Variants in GLIS1 observed in about 807,000 individuals in gnomAD.
The protein encoded by GLIS1 is zinc finger protein GLIS1.
In GLIS1, 24 loss-of-function variants were observed where a neutral mutation model predicts 63.8. That is an observed-to-expected ratio of 0.38 (90% CI 0.27 to 0.53). The LOEUF is 0.53. GLIS1 is among the 20% of genes least tolerant of loss of function. The probability of loss-of-function intolerance (pLI) is 0.85; values close to 1 mark genes in which losing one functional copy is unlikely to be tolerated. For synonymous variants in GLIS1, 450 were observed against 482.5 expected (o/e 0.93, Z 0.88); for missense variants, 1,036 against 1,074.1 (o/e 0.96, Z 0.50).
chr1:53,695,423 A>T (rs1164996571), intron 2 of GLIS1, among the ~76,000 whole-genome samples: 1 of 140,914 alleles, frequency 7.1e-6, no homozygotes, highest in Non-Finnish European at 1.5e-5. Flanking sequence ...CTGAAGACTA[A>T]CCAGAAGAAG....
chr1:53,556,299 ATG>A (rs1297903107), intron 4 of GLIS1, among the ~76,000 whole-genome samples: 2 of 46,738 alleles, frequency 4.3e-5, no homozygotes, highest in Non-Finnish European at 8.3e-5. Context: ...TACTGTAGGT[ATG>A]TGTGTGTGTG....
chr1:53,691,595 C>T (rs896508316), intron 2 of GLIS1, among the ~76,000 whole-genome samples: 1 of 152,142 alleles, frequency 6.6e-6, no homozygotes, highest in African/African-American at 2.4e-5. Context: ...ATTCCCTCTC[C>T]CTCTCCCAAC....
At chr1:53,536,155 C>T (rs1193038432) in intron 4 of GLIS1, among the ~76,000 whole-genome samples, 1 of 151,962 alleles carries the variant, frequency 6.6e-6, no homozygotes, top group Non-Finnish European at 1.5e-5. Context: ...GATACAGGCA[C>T]CTTCTGTCGA....
At chr1:53,617,775 A>C (rs536613281) in intron 2 of GLIS1, among the ~76,000 whole-genome samples, 2 of 152,342 alleles carry the variant, frequency 1.3e-5, no homozygotes, top group East Asian at 1.9e-4. Context: ...CAGGAGAGCA[A>C]AGGAGGCAGT....
At chr1:53,637,763 A>T (rs993216314) in intron 2 of GLIS1, among the ~76,000 whole-genome samples, 2 of 152,112 alleles carry the variant, frequency 1.3e-5, no homozygotes, top group Admixed American at 6.5e-5. Flanking sequence ...ATTGTGGGGA[A>T]ATGTCACCAT....
At chr1:53,691,284 C>A (rs2100460749) in intron 2 of GLIS1, among the ~76,000 whole-genome samples, 1 of 152,326 alleles carries the variant, frequency 6.6e-6, no homozygotes, top group Non-Finnish European at 1.5e-5. Flanking sequence ...CCAGGCCCAG[C>A]CTCTCTCACC....
At chr1:53,629,703 C>A (rs1645631993) in intron 2 of GLIS1, among the ~76,000 whole-genome samples, 1 of 152,210 alleles carries the variant, frequency 6.6e-6, no homozygotes, top group Non-Finnish European at 1.5e-5. Context: ...TGCAAGAGGC[C>A]TGACCTTCCT....
chr1:53,725,570 A>AG (rs1220715472), intron 2 of GLIS1, among the ~76,000 whole-genome samples: 1 of 152,172 alleles, frequency 6.6e-6, no homozygotes, highest in African/African-American at 2.4e-5. Flanking sequence ...GCCAGCCTGA[A>AG]GGGGGAACCT....
chr1:53,532,510 T>C (rs1179999899), intron 4 of GLIS1, among the ~76,000 whole-genome samples: 1 of 152,228 alleles, frequency 6.6e-6, no homozygotes, highest in Non-Finnish European at 1.5e-5. Flanking sequence ...TACTTCCAGA[T>C]GTTGTGCCTT....
chr1:53,659,388 G>A (rs1377162350), intron 2 of GLIS1, among the ~76,000 whole-genome samples: 2 of 152,278 alleles, frequency 1.3e-5, no homozygotes, highest in East Asian at 3.9e-4. Context: ...ATCACTAGTT[G>A]TCCATTCAGC....
At chr1:53,635,047 T>C (rs1645708338) in intron 2 of GLIS1, among the ~76,000 whole-genome samples, 3 of 151,782 alleles carry the variant, frequency 2.0e-5, no homozygotes, top group African/African-American at 4.8e-5. Flanking sequence ...TCAACAGAGG[T>C]TGTCTCTGTT....
At chr1:53,714,601 C>A (rs1646678943) in intron 2 of GLIS1, among the ~76,000 whole-genome samples, 1 of 152,222 alleles carries the variant, frequency 6.6e-6, no homozygotes, top group Non-Finnish European at 1.5e-5. Flanking sequence ...CAGCTGCGGG[C>A]AGCATCAAAA....
At chr1:53,509,741 TTC>T (rs1406869456) in intron 9 of GLIS1, 106 bp downstream of exon 9, 1 of 668,508 alleles carries the variant, frequency 1.5e-6, no homozygotes, top group Admixed American at 4.3e-5. Context: ...CAGCCGGTCA[TTC>T]TCTGAGTACC....
intron 2 of GLIS1, among the ~76,000 whole-genome samples, chr1:53,607,651 A>T (rs1645384177): frequency 6.6e-6 from 1 of 152,240 alleles, no homozygotes; most frequent in Non-Finnish European, 1.5e-5. Context: ...CTTGGAAGGC[A>T]CTGCTGACCC....
chr1:53,708,894 G>A (rs138930903), intron 2 of GLIS1, among the ~76,000 whole-genome samples: 28 of 152,174 alleles, frequency 1.8e-4, no homozygotes, highest in Admixed American at 8.5e-4. Flanking sequence ...GAGCCTGCCC[G>A]TACCCAGCAC....
intron 2 of GLIS1, among the ~76,000 whole-genome samples, chr1:53,724,213 C>A (rs1394628850): frequency 6.6e-6 from 1 of 152,174 alleles, no homozygotes; most frequent in Non-Finnish European, 1.5e-5. Context: ...GCCAAGGATG[C>A]TAGAGACTTT....
intron 2 of GLIS1, among the ~76,000 whole-genome samples, chr1:53,675,962 CA>C: frequency 6.6e-6 from 1 of 151,958 alleles, no homozygotes; most frequent in South Asian, 2.1e-4. Flanking sequence ...GGACCTTGTC[CA>C]AAAATCCCCA....
chr1:53,720,237 C>T (rs1646740109), intron 2 of GLIS1, among the ~76,000 whole-genome samples: 1 of 152,054 alleles, frequency 6.6e-6, no homozygotes, highest in African/African-American at 2.4e-5. Flanking sequence ...TCCCAATAGC[C>T]AAGAAGGAAT....
chr1:53,709,347 TAC>T (rs1466536823), intron 2 of GLIS1, among the ~76,000 whole-genome samples: 1 of 121,690 alleles, frequency 8.2e-6, no homozygotes, highest in Non-Finnish European at 1.7e-5. Context: ...TATACATATA[TAC>T]ATATATATAC....
Sources: gnomAD v4.1 joint callset for allele counts (sites outside exome capture counted in the v4.1 genomes callset) on GRCh38, gnomAD v4.1.1 for gene constraint, MANE v1.5 for transcripts, NCBI Gene and HGNC (gene_info 2026-07-23, HGNC 2026-07-21) for gene names.